The following MAP2 variants were observed in gnomAD, a reference collection of about 807,000 sequenced individuals.
The protein encoded by MAP2 is microtubule-associated protein 2.
MAP2 carries 14 observed loss-of-function variants against 137.6 expected under a neutral mutation model. The ratio of observed to expected loss-of-function variants is 0.10; its 90% CI spans 0.07 to 0.16. MAP2 has a LOEUF of 0.16. MAP2 is among the 10% of genes least tolerant of loss of function. MAP2 has a pLI of 1.00. For missense variants in MAP2, 2,088 were observed against 2,191.5 expected (o/e 0.95, Z 0.94); for synonymous variants, 786 against 782.3 (o/e 1.00, Z -0.08).
At chr2:209,619,653 A>G (rs1006423244) in intron 3 of MAP2, among the ~76,000 whole-genome samples, 2 of 152,052 alleles carry the variant, frequency 1.3e-5, no homozygotes, top group Non-Finnish European at 2.9e-5. Flanking sequence ...GTTTATATGT[A>G]TATATATTTA....
intron 1 of MAP2, among the ~76,000 whole-genome samples, chr2:209,467,329 A>G (rs1461409748): frequency 6.6e-6 from 1 of 151,968 alleles, no homozygotes; most frequent in Non-Finnish European, 1.5e-5. Context: ...TCCAAATTCC[A>G]TCTTCTGTCC....
intron 1 of MAP2, among the ~76,000 whole-genome samples, chr2:209,451,763 G>T (rs1025944220): frequency 3.3e-5 from 5 of 152,162 alleles, no homozygotes; most frequent in Non-Finnish European, 7.4e-5. Context: ...GCTAAAAATA[G>T]CTCTGTCTGC....
intron 1 of MAP2, among the ~76,000 whole-genome samples, chr2:209,437,262 C>T (rs1696556189): frequency 6.6e-6 from 1 of 151,602 alleles, no homozygotes; most frequent in African/African-American, 2.4e-5. Flanking sequence ...GTTTTTCAAC[C>T]CTCTCAACTT....
chr2:209,436,794 GA>G (rs1028861613), intron 1 of MAP2, among the ~76,000 whole-genome samples: 4 of 151,588 alleles, frequency 2.6e-5, no homozygotes, highest in African/African-American at 9.7e-5. Flanking sequence ...AGTAATCTCA[GA>G]ATAAAATCGT....
chr2:209,612,341 A>T (rs1293358431), intron 3 of MAP2, among the ~76,000 whole-genome samples: 1 of 152,204 alleles, frequency 6.6e-6, no homozygotes, highest in African/African-American at 2.4e-5. Context: ...GCATTTCAGT[A>T]ATGAAGTCAG....
Position 209,645,424 on chromosome 2 carries a change from T to A in MAP2, c.-29-7718T>A, listed in dbSNP as rs180672814. ...TGCTTGAATGATAATTTAAAAAGTA[T>A]TCCAAGGAAGAAGAACAAAGGAGAA... On this transcript the variant is annotated intron_variant, in intron 4 of 15. Transcript: ENST00000682079. Among the ~76,000 whole-genome samples, 40 of 152,080 alleles carry A rather than the reference T, an allele frequency of 2.6e-4. No individual in the cohort carries two copies. In the East Asian group the frequency reaches 7.4e-3, roughly 28 times the overall value.
intron 2 of MAP2, among the ~76,000 whole-genome samples, chr2:209,528,797 C>T (rs12623006): frequency 0.23 from 33,274 of 143,486 alleles, 5,566 homozygotes; most frequent in African/African-American, 0.5. Flanking sequence ...TATATATGTA[C>T]ATGTACATAT....
intron 2 of MAP2, among the ~76,000 whole-genome samples, chr2:209,531,762 T>C (rs1434309434): frequency 6.6e-6 from 1 of 152,212 alleles, no homozygotes; most frequent in Non-Finnish European, 1.5e-5. Context: ...AATGTGAAAT[T>C]TAAGTGAGCT....
chr2:209,534,546 C>G (rs2065663268), intron 2 of MAP2, among the ~76,000 whole-genome samples: 1 of 152,168 alleles, frequency 6.6e-6, no homozygotes, highest in Non-Finnish European at 1.5e-5. Flanking sequence ...TTGCTTACCC[C>G]TTCTAAATTG....
intron 5 of MAP2, among the ~76,000 whole-genome samples, chr2:209,663,672 A>G (rs935313140): frequency 2.6e-5 from 4 of 152,206 alleles, no homozygotes; most frequent in Non-Finnish European, 5.9e-5. Flanking sequence ...AGATTCAGAG[A>G]AAAATCATCC....
intron 5 of MAP2, among the ~76,000 whole-genome samples, chr2:209,665,685 A>G (rs1002946376): frequency 1.3e-5 from 2 of 152,224 alleles, no homozygotes; most frequent in Non-Finnish European, 2.9e-5. Context: ...CTTTGAGTGC[A>G]TAAAATTATT....
chr2:209,537,150 C>A (rs1321854811), intron 2 of MAP2, among the ~76,000 whole-genome samples: 1 of 152,108 alleles, frequency 6.6e-6, no homozygotes, highest in Admixed American at 6.5e-5. Flanking sequence ...ATTTTTTCAA[C>A]AGCATAAGCT....
rs1424283174 is a variant in MAP2, at chr2:209,723,038, G to A, written c.5074-2671G>A. 3.3e-5 allele frequency among the ~76,000 whole-genome samples: 5 copies of A among 152,304 alleles called. No individual in the cohort carries two copies. In the East Asian group the frequency reaches 9.6e-4, roughly 29 times the overall value. ...CAAAGTTTCTTCGTTGACCCTCCTG[G>A]GAAACCGGGGGTTCTTACCCTAGAT... On this transcript the variant is annotated intron_variant, in intron 13 of 15. Transcript: ENST00000682079.
intron 1 of MAP2, among the ~76,000 whole-genome samples, chr2:209,501,673 A>G (rs1296909323): frequency 6.6e-6 from 1 of 152,186 alleles, no homozygotes; most frequent in Admixed American, 6.5e-5. Context: ...ACTACACAAA[A>G]AGTCTTGACC....
chr2:209,475,302 A>G lies in MAP2; in HGVS notation c.-221-32290A>G, dbSNP rs17237202. 9.4e-3 allele frequency among the ~76,000 whole-genome samples: 1,437 copies of G among 152,198 alleles called. 8 individuals carry two copies. The highest frequency in any genetic ancestry group is 0.016 in the Non-Finnish European group (1,104 of 67,934). Reference sequence around the variant, plus strand: ...TTGTCTTTACTCATGGTAAAAATATATAAACTGTGTATAGAGTTCTCCTCT... The same window carrying G: ...TTGTCTTTACTCATGGTAAAAATATGTAAACTGTGTATAGAGTTCTCCTCT... On this transcript the variant is annotated intron_variant, in intron 1 of 15. Transcript: ENST00000682079.
At chr2:209,446,423 G>A (rs1054330693) in intron 1 of MAP2, among the ~76,000 whole-genome samples, 7 of 151,638 alleles carry the variant, frequency 4.6e-5, no homozygotes, top group African/African-American at 1.2e-4. Flanking sequence ...TCCAAACCCC[G>A]ACATCACCAA....
At chr2:209,686,067 C>G (rs1368779030) in intron 7 of MAP2, among the ~76,000 whole-genome samples, 2 of 152,216 alleles carry the variant, frequency 1.3e-5, no homozygotes, top group African/African-American at 4.8e-5. Context: ...CAGAGATCCA[C>G]TGAGAGAAAT....
chr2:209,493,641 T>G (rs1198408487), intron 1 of MAP2, among the ~76,000 whole-genome samples: 1 of 152,186 alleles, frequency 6.6e-6, no homozygotes, highest in East Asian at 1.9e-4. Context: ...CAGACACTTC[T>G]CAAAGTAAGA....
intron 2 of MAP2, among the ~76,000 whole-genome samples, chr2:209,559,514 G>A (rs1229776393): frequency 6.0e-5 from 9 of 149,462 alleles, no homozygotes; most frequent in Non-Finnish European, 1.2e-4. Context: ...AGCCGGGTGT[G>A]GTGAAGCATG....
Sources: allele counts gnomAD v4.1 joint callset (sites outside exome capture counted in the v4.1 genomes callset), GRCh38; gene constraint gnomAD v4.1.1; transcripts MANE v1.5; gene names NCBI Gene and HGNC (gene_info 2026-07-23, HGNC 2026-07-21).